The following ITGA1 variants were observed in gnomAD, a reference collection of about 807,000 sequenced individuals.
ITGA1 encodes integrin alpha-1.
In ITGA1, 85 loss-of-function variants were observed where a neutral mutation model predicts 145.9. That is an observed-to-expected ratio of 0.58 (90% confidence interval 0.49 to 0.70). The LOEUF is 0.70. Ranked by LOEUF, ITGA1 falls within the 30% of genes least tolerant of loss-of-function variation. ITGA1 has a pLI of 0.00. For synonymous variants in ITGA1, 520 were observed against 495.3 expected, an observed-to-expected ratio of 1.05 and a Z score of -0.66; for missense variants, 1,351 against 1,418.7, an observed-to-expected ratio of 0.95 and a Z score of 0.77.
chr5:52,940,482 C>T (rs1009546753), intron 26 of ITGA1, among the ~76,000 whole-genome samples: 2 of 150,058 alleles, frequency 1.3e-5, no homozygotes, highest in African/African-American at 2.5e-5. Flanking sequence ...GATCTCAGCT[C>T]ACTGCAAGCT....
chr5:52,799,596 C>T (rs17209816), intron 1 of ITGA1, among the ~76,000 whole-genome samples: 2,221 of 152,312 alleles, frequency 0.015, 35 homozygotes, highest in Non-Finnish European at 0.021. Context: ...GGTAACTAGG[C>T]GCAGAAAACA....
At chr5:52,894,578 C>A (rs544047525) in intron 9 of ITGA1, among the ~76,000 whole-genome samples, 7 of 152,232 alleles carry the variant, frequency 4.6e-5, no homozygotes, top group African/African-American at 1.7e-4. Context: ...CTTCTTTCTT[C>A]ACATTCTTTG....
At chr5:52,890,393 T>C (rs1750127563) in intron 8 of ITGA1, among the ~76,000 whole-genome samples, 1 of 152,226 alleles carries the variant, frequency 6.6e-6, no homozygotes, top group South Asian at 2.1e-4. Context: ...TCTGTATAGT[T>C]CATTCTGTTT....
intron 2 of ITGA1, among the ~76,000 whole-genome samples, chr5:52,858,526 T>C (rs1749551583): frequency 6.6e-6 from 1 of 152,236 alleles, no homozygotes; most frequent in African/African-American, 2.4e-5. Context: ...GGACCTGGCA[T>C]AAATGCCCAG....
At chr5:52,882,740 C>A (rs539161827) in intron 7 of ITGA1, 2 of 152,110 alleles carry the variant, frequency 1.3e-5, no homozygotes, top group Admixed American at 1.3e-4. Context: ...CCTGTGTGTT[C>A]TCTTATCTCA....
chr5:52,861,104 G>A (rs1326592170), intron 2 of ITGA1, among the ~76,000 whole-genome samples: 1 of 151,872 alleles, frequency 6.6e-6, no homozygotes, highest in East Asian at 1.9e-4. Context: ...ATATGATAAA[G>A]TAATATAAAC....
At chr5:52,880,690 T>G (rs1471643031) in intron 6 of ITGA1, among the ~76,000 whole-genome samples, 1 of 152,204 alleles carries the variant, frequency 6.6e-6, no homozygotes, top group African/African-American at 2.4e-5. Flanking sequence ...AAGTAGGCAA[T>G]TGCCTTGGAA....
rs1368741030 is a variant in ITGA1 at position 52,834,587 on chromosome 5, G to GAGAAGAAAGAAAGAA, written c.62-14775_62-14774insAGAAAGAAAGAAAGA. ...GAAAGAGAGAAGAAAGAAAGAAAGA[G>GAGAAGAAAGAAAGAA]AGAGAGAGAAGAAAGAGAGAGAAAG... On this transcript the variant is annotated intron_variant, in intron 1 of 28. Coordinates refer to ENST00000282588, the MANE Select transcript of ITGA1 (RefSeq NM_181501.2). Among the ~76,000 whole-genome samples, 74 of 108,294 alleles carry GAGAAGAAAGAAAGAA rather than the reference G, an allele frequency of 6.8e-4. No homozygotes were observed. In the South Asian group the frequency reaches 0.015, roughly 21 times the overall value. 71.0% of individuals were successfully genotyped at this position (108,294 alleles called of 152,430 possible).
At chr5:52,882,156 A>G in intron 7 of ITGA1, 135 bp downstream of exon 7, 1 of 674,996 alleles carries the variant, frequency 1.5e-6, no homozygotes, top group Non-Finnish European at 2.4e-6. Context: ...GATTCAGAAG[A>G]TTAAATAATG....
intron 1 of ITGA1, among the ~76,000 whole-genome samples, chr5:52,817,515 C>T (rs1027281715): frequency 6.6e-6 from 1 of 152,184 alleles, no homozygotes; most frequent in Non-Finnish European, 1.5e-5. Context: ...ACTGTCAAAG[C>T]TTTTATGCCC....
intron 1 of ITGA1, chr5:52,801,141 G>A (rs1252901897): frequency 1.9e-6 from 3 of 1,572,250 alleles, no homozygotes; most frequent in Non-Finnish European, 2.6e-6. Context: ...CTTACCCAGG[G>A]ATAATTAAGA....
chr5:52,798,624 G>A (rs1013637143), intron 1 of ITGA1, among the ~76,000 whole-genome samples: 6 of 152,110 alleles, frequency 3.9e-5, no homozygotes, highest in Non-Finnish European at 1.5e-5. Context: ...GGTAGCAGGG[G>A]GAAAATAGTC....
At chr5:52,851,165 T>A (rs1048975554) in intron 2 of ITGA1, among the ~76,000 whole-genome samples, 1 of 152,240 alleles carries the variant, frequency 6.6e-6, no homozygotes, top group Non-Finnish European at 1.5e-5. Flanking sequence ...TGCTAAAATA[T>A]TTTATGAAAT....
intron 2 of ITGA1, among the ~76,000 whole-genome samples, chr5:52,859,186 A>T (rs1749561433): frequency 1.3e-5 from 2 of 152,182 alleles, no homozygotes; most frequent in African/African-American, 4.8e-5. Context: ...ACAGATTTTC[A>T]CTAAATTAGA....
intron 12 of ITGA1, among the ~76,000 whole-genome samples, chr5:52,908,398 C>T (rs1292518975): frequency 6.6e-6 from 1 of 152,102 alleles, no homozygotes; most frequent in Non-Finnish European, 1.5e-5. Flanking sequence ...TTTTCTATGT[C>T]CCATAGCTGC....
intron 23 of ITGA1, among the ~76,000 whole-genome samples, 154 bp downstream of exon 23, chr5:52,934,150 A>T (rs982181235): frequency 1.4e-4 from 21 of 150,440 alleles, no homozygotes; most frequent in African/African-American, 4.4e-4. Context: ...AAATATAGAC[A>T]TATAATATAT....
chr5:52,796,809 C>G (rs1748351322), intron 1 of ITGA1, among the ~76,000 whole-genome samples: 1 of 152,044 alleles, frequency 6.6e-6, no homozygotes, highest in South Asian at 2.1e-4. Context: ...TTCAAGTTTA[C>G]ATGGTTTCAA....
Position 52,958,764 on chromosome 5 carries a change from A to T in ITGA1, c.*6313A>T, listed in dbSNP as rs919046429. ...CCCTGAAATATCCATCACTCCAATG[A>T]ACTGTTCTGCCTGATCTAACATAAA... On this transcript the variant is annotated 3_prime_UTR_variant, in exon 29 of 29. Transcript: ENST00000282588. 1 of 152,234 alleles carries T rather than the reference A, an allele frequency of 6.6e-6. No individual in the cohort carries two copies. The highest frequency in any genetic ancestry group is 2.4e-5 in the African/African-American group (1 of 41,466). The allele number at this position is 152,234 out of a possible 1,614,324, so 9.4% of individuals were successfully genotyped here.
intron 1 of ITGA1, among the ~76,000 whole-genome samples, chr5:52,796,528 A>C (rs1748346575): frequency 6.6e-6 from 1 of 152,166 alleles, no homozygotes; most frequent in South Asian, 2.1e-4. Context: ...TTGGAAAAAA[A>C]TGAAAATAAA....
Sources: allele counts gnomAD v4.1 joint callset (sites outside exome capture counted in the v4.1 genomes callset), GRCh38; gene constraint gnomAD v4.1.1; transcripts MANE v1.5; gene names NCBI Gene and HGNC (gene_info 2026-07-23, HGNC 2026-07-21).